The following UEVLD variants were observed in gnomAD, a reference collection of about 807,000 sequenced individuals.
UEVLD encodes UEV and lactate/malate dehyrogenase domains.
In UEVLD, 47 loss-of-function variants were observed where a neutral mutation model predicts 58.6. That is an observed-to-expected ratio of 0.80 (90% CI 0.63 to 1.02). The LOEUF is 1.02. Ranked by LOEUF, UEVLD falls within the 50% of genes least tolerant of loss-of-function variation. The pLI, the probability that UEVLD is intolerant of heterozygous loss-of-function variation, is 0.00. For missense variants in UEVLD, 510 were observed against 550.6 expected (o/e 0.93, Z 0.74); for synonymous variants, 197 against 195.3 (o/e 1.01, Z -0.07).
chr11:18,547,363 T>A (rs1345379562), intron 7 of UEVLD, among the ~76,000 whole-genome samples: 1 of 152,078 alleles, frequency 6.6e-6, no homozygotes, highest in East Asian at 1.9e-4. Flanking sequence ...CTGTCTCTAC[T>A]AAAATATAAA....
intron 7 of UEVLD, among the ~76,000 whole-genome samples, chr11:18,553,194 C>T (rs1404009012): frequency 2.0e-5 from 3 of 146,960 alleles, no homozygotes; most frequent in African/African-American, 5.0e-5. Flanking sequence ...GGCATGGTGG[C>T]GTGCTCCCGT....
chr11:18,571,646 A>T (rs1175731657), intron 3 of UEVLD, among the ~76,000 whole-genome samples: 1 of 152,204 alleles, frequency 6.6e-6, no homozygotes, highest in Non-Finnish European at 1.5e-5. Context: ...CTCAGATTTA[A>T]AGGAATTATA....
intron 8 of UEVLD, among the ~76,000 whole-genome samples, chr11:18,545,066 A>T (rs1851241095): frequency 2.5e-5 from 1 of 40,196 alleles, no homozygotes; most frequent in Non-Finnish European, 5.2e-5. Flanking sequence ...ATCTATATCT[A>T]TATCTATATT....
chr11:18,557,803 GA>G (rs1222359664), intron 7 of UEVLD, among the ~76,000 whole-genome samples: 1 of 152,084 alleles, frequency 6.6e-6, no homozygotes, highest in African/African-American at 2.4e-5. Flanking sequence ...CTTTATAGAT[GA>G]AAAAACTGAA....
At chr11:18,573,842 C>T (rs1031594469) in intron 3 of UEVLD, among the ~76,000 whole-genome samples, 10 of 152,138 alleles carry the variant, frequency 6.6e-5, no homozygotes, top group African/African-American at 1.4e-4. Flanking sequence ...AAGAAGTCCC[C>T]GCAAATGCAG....
chr11:18,578,956 C>T (rs1473667510), intron 1 of UEVLD, 148 bp from the exon 2 acceptor site: 7 of 562,736 alleles, frequency 1.2e-5, no homozygotes, highest in African/African-American at 9.7e-5. Flanking sequence ...CAACCTCCGT[C>T]TCCTGGGTTT....
At chr11:18,564,236 T>C (rs1020487224) in intron 6 of UEVLD, among the ~76,000 whole-genome samples, 1 of 151,942 alleles carries the variant, frequency 6.6e-6, no homozygotes, top group African/African-American at 2.4e-5. Context: ...CAAATATATA[T>C]AGAAAAGAAA....
At chr11:18,547,146 A>C (rs1394963045) in intron 7 of UEVLD, 96 bp from the exon 8 acceptor site, 1 of 1,306,982 alleles carries the variant, frequency 7.7e-7, no homozygotes, top group African/African-American at 1.5e-5. Flanking sequence ...CAAATAAGAG[A>C]GCTTTTAGGC....
intron 9 of UEVLD, among the ~76,000 whole-genome samples, chr11:18,541,969 C>A (rs1851074233): frequency 6.6e-6 from 1 of 152,088 alleles, no homozygotes; most frequent in African/African-American, 2.4e-5. Context: ...AATAGATGGT[C>A]CCTTCCAGCT....
Position 18,531,613 on chromosome 11 carries a change from A to G in UEVLD, c.*707T>C, listed in dbSNP as rs749249446. On this transcript the variant is annotated 3_prime_UTR_variant, in exon 12 of 12. Transcript: ENST00000396197. ...TATATATTTGCTTATGGTTCCACTA[A>G]TATCACAATTAGTTTATGAGATGTT... 5.3e-5 allele frequency: 8 copies of G among 152,194 alleles called. No individual in the cohort carries two copies. Among genetic ancestry groups the G allele is most frequent in the East Asian group, 1.9e-4 (1 of 5,194 alleles). The allele number at this position is 152,194 out of a possible 1,614,324, so 9.4% of individuals were successfully genotyped here.
At position 18,535,959 on chromosome 11, in the gene UEVLD, AC is replaced by A. The variant is rs375855409; in HGVS notation, c.1124+446del. Among the ~76,000 whole-genome samples, 217 of 152,230 alleles carry A rather than the reference AC, an allele frequency of 1.4e-3. 1 individual carries two copies. The highest frequency in any genetic ancestry group is 4.8e-3 in the African/African-American group (198 of 41,536). Reference sequence around the variant, plus strand: ...AGACCATCCTGACCAACATGGTGAAACCCCGTCTCTACTAAAATACAAAAAA... The same window carrying A: ...AGACCATCCTGACCAACATGGTGAAACCCGTCTCTACTAAAATACAAAAAA... On this transcript the variant is annotated intron_variant, in intron 10 of 11. Transcript: ENST00000396197.
intron 1 of UEVLD, among the ~76,000 whole-genome samples, chr11:18,580,605 A>T (rs1853187529): frequency 6.6e-6 from 1 of 151,784 alleles, no homozygotes; most frequent in Admixed American, 6.6e-5. Context: ...AACTAGACAC[A>T]GGAAGTGCCT....
chr11:18,569,625 C>A (rs1852486737), intron 4 of UEVLD, among the ~76,000 whole-genome samples: 1 of 114,288 alleles, frequency 8.7e-6, no homozygotes, highest in Non-Finnish European at 2.1e-5. Flanking sequence ...CATCAGGTAA[C>A]CATTAAAAAC....
chr11:18,580,491 T>G (rs757657059), intron 1 of UEVLD, among the ~76,000 whole-genome samples: 11 of 151,958 alleles, frequency 7.2e-5, no homozygotes, highest in Non-Finnish European at 1.6e-4. Flanking sequence ...ATGAATAAAA[T>G]GTGGCATATC....
At chr11:18,533,586 G>A (rs1850665664) in intron 11 of UEVLD, among the ~76,000 whole-genome samples, 1 of 152,130 alleles carries the variant, frequency 6.6e-6, no homozygotes, top group African/African-American at 2.4e-5. Flanking sequence ...TTGGCTGGCT[G>A]AGATGATAAA....
intron 1 of UEVLD, among the ~76,000 whole-genome samples, chr11:18,586,027 G>A (rs1167076899): frequency 6.6e-6 from 1 of 152,150 alleles, no homozygotes; most frequent in African/African-American, 2.4e-5. Context: ...AAGTTTCCAA[G>A]AAATGCATTG....
intron 3 of UEVLD, chr11:18,570,745 CAAAAAAAAAAAA>C (rs559788859): frequency 3.0e-5 from 2 of 67,762 alleles, no homozygotes; most frequent in African/African-American, 8.8e-5. Flanking sequence ...GACACTGTTT[CAAAAAAAAAAAA>C]AAAAAAAAGA....
Position 18,538,842 on chromosome 11 carries a change from C to A in UEVLD, c.1061-2373G>T, listed in dbSNP as rs1341311440. The A allele has an allele frequency of 2.0e-5, 3 of 150,210 alleles. No individual in the cohort carries two copies. In the East Asian group the frequency reaches 6.3e-4, roughly 32 times the overall value. The allele number at this position is 150,210 out of a possible 1,614,324, so 9.3% of individuals were successfully genotyped here. The stretch of plus-strand genomic sequence containing the variant: ...GTCAGGAGTTCGAGACCAGCCTGGC[C>A]ACCATGGTGAAACCCCCATCTCTAC... On this transcript the variant is annotated intron_variant, in intron 9 of 11. Transcript: ENST00000396197.
At chr11:18,551,461 T>C (rs1158272406) in intron 7 of UEVLD, among the ~76,000 whole-genome samples, 1 of 135,370 alleles carries the variant, frequency 7.4e-6, no homozygotes, top group Non-Finnish European at 1.6e-5. Context: ...TAAAAGTTCA[T>C]TCGACAATAA....
Sources: gnomAD v4.1 joint callset for allele counts (sites outside exome capture counted in the v4.1 genomes callset) on GRCh38, gnomAD v4.1.1 for gene constraint, MANE v1.5 for transcripts, NCBI Gene and HGNC (gene_info 2026-07-23, HGNC 2026-07-21) for gene names.